The following NLRX1 variants were observed in gnomAD, a reference collection of about 807,000 sequenced individuals.
NLRX1 encodes the protein NOD-like receptor X1.
In NLRX1, 67 loss-of-function variants were observed where a neutral mutation model predicts 74.2. The ratio of observed to expected loss-of-function variants is 0.90; its 90% confidence interval spans 0.74 to 1.11. The LOEUF is 1.11. Among genes scored for constraint, NLRX1 ranks in the 50% least tolerant of loss-of-function variants. NLRX1 has a pLI of 0.00. For synonymous variants in NLRX1, 506 were observed against 559.1 expected (o/e 0.91, Z 1.34); for missense variants, 1,191 against 1,305.4 (o/e 0.91, Z 1.35).
intron 6 of NLRX1, among the ~76,000 whole-genome samples, chr11:119,178,488 A>C (rs1592332019): frequency 6.6e-6 from 1 of 152,190 alleles, no homozygotes; most frequent in East Asian, 1.9e-4. Flanking sequence ...TGAGCACAAA[A>C]ATATCAATGT....
Position 119,179,680 on chromosome 11 carries a change from G to C in NLRX1, c.1672-13G>C, listed in dbSNP as rs559548313. The C allele has an allele frequency of 2.5e-6, 4 of 1,585,492 alleles. No individual in the cohort carries two copies. In the African/African-American group the frequency reaches 4.0e-5, roughly 16 times the overall value. On this transcript the variant is annotated splice_polypyrimidine_tract_variant and intron_variant, in intron 6 of 9. Transcript: ENST00000409109. ...TGGAAGGCCACAGTGACTCTCCCCT[G>C]CTTCTTTTTCAGGTGGTTCCACGAG...
intron 1 of NLRX1, among the ~76,000 whole-genome samples, chr11:119,170,003 A>G (rs1159739457): frequency 4.8e-5 from 2 of 41,388 alleles, no homozygotes; most frequent in South Asian, 1.2e-3. Context: ...GTCTCAGGAA[A>G]AAAAAAAAAA....
chr11:119,181,614 A>T (rs1948839024), intron 8 of NLRX1, among the ~76,000 whole-genome samples: 1 of 152,166 alleles, frequency 6.6e-6, no homozygotes, highest in Admixed American at 6.5e-5. Context: ...GGCACTCAGT[A>T]GACACCCCTT....
At chr11:119,171,298 G>A in intron 1 of NLRX1, 58 bp from the exon 2 acceptor site, 1 of 1,246,598 alleles carries the variant, frequency 8.0e-7, no homozygotes, top group Non-Finnish European at 1.1e-6. Context: ...CTGGAATGGG[G>A]TTAGGGGTGC....
Position 119,173,672 on chromosome 11 carries a change from C to G in NLRX1, c.423C>G (p.Leu141=). 6.2e-7 allele frequency: 1 copy of G among 1,613,988 alleles called. No homozygotes were observed. Among genetic ancestry groups the G allele is most frequent in the Non-Finnish European group, 8.5e-7 (1 of 1,180,020 alleles). Residue 141 remains leucine (L), a synonymous_variant, in exon 5 of 10, where the codon CTC becomes CTG. Transcript: ENST00000409109. The surrounding 1 kb of genome is among the most constrained non-coding windows in gnomAD (Gnocchi z 4.0). ...ALEHQPPQAG[L]PPLALSQLFN... ...AGCATCAGCCACCCCAGGCCGGGCT[C>G]CCCCCACTGGCCTTGTCTCAGCTCT...
rs1565835919 is a variant in NLRX1, at chr11:119,182,340, GC to G, written c.2602del (p.Leu868TyrfsTer8). ...CCCGGGAGCACCCTTCCCTGGAACT[GC>G]TACAGTGAGTCCTGTCCCTGGTCCC... The part of the protein sequence containing the change: ...AAREHPSLEL[L>X]HLYFNELSSE... On this transcript the variant is annotated frameshift_variant, in exon 9 of 10. Coordinates refer to ENST00000409109, the MANE Select transcript of NLRX1 (RefSeq NM_001282144.2). LOFTEE classifies it high-confidence loss of function. 2.5e-6 allele frequency: 4 copies of G among 1,611,402 alleles called. No individual in the cohort carries two copies. Among genetic ancestry groups the G allele is most frequent in the Admixed American group, 1.7e-5 (1 of 59,972 alleles).
At chr11:119,182,581 G>A (rs1290781800) in intron 9 of NLRX1, among the ~76,000 whole-genome samples, 1 of 152,136 alleles carries the variant, frequency 6.6e-6, no homozygotes, top group Non-Finnish European at 1.5e-5. Context: ...TACTGTCTCT[G>A]GTCCCACTGA....
In NLRX1 at chr11:119,174,588, C is replaced by T; in HGVS notation, c.985C>T (p.Pro329Ser). 1 of 1,614,222 alleles carries T rather than the reference C, an allele frequency of 6.2e-7. No homozygotes were observed. The highest frequency in any genetic ancestry group is 1.1e-5 in the South Asian group (1 of 91,092). ...CTACTTCCAGCTCCGCCTCAACCAG[C>T]CGTACTGCGGGTATGCCGTTGGCGG... The part of the protein sequence containing the change: ...KLYFQLRLNQ[P>S]YCGYAVGGSG... The change falls in exon 6 of 10, where the codon CCG (proline) becomes TCG (serine). Residue 329 changes from proline (P) to serine (S), a missense_variant. Transcript: ENST00000409109.
chr11:119,176,125 G>A (rs976997756), intron 6 of NLRX1, among the ~76,000 whole-genome samples: 5 of 152,220 alleles, frequency 3.3e-5, no homozygotes, highest in Admixed American at 2.6e-4. Context: ...TGTCTGTCGA[G>A]CTGTGGGACC....
At chr11:119,177,532 G>A (rs1235186368) in intron 6 of NLRX1, among the ~76,000 whole-genome samples, 2 of 151,538 alleles carry the variant, frequency 1.3e-5, no homozygotes, top group African/African-American at 2.4e-5. Flanking sequence ...GGAGGCTGAG[G>A]CAGGAGAATC....
chr11:119,183,145 G>A lies in NLRX1; in HGVS notation c.2634G>A (p.Glu878=), dbSNP rs1223633143. 6.2e-7 allele frequency: 1 copy of A among 1,614,086 alleles called. No individual in the cohort carries two copies. The highest frequency in any genetic ancestry group is 1.7e-5 in the Admixed American group (1 of 60,010). ...LHLYFNELSS[E]GRQVLRDLGG... ...TCTACTTCAATGAGCTGAGCTCAGA[G>A]GGCCGCCAGGTCTTGCGAGACTTGG... The change falls in exon 10 of 10, where the codon GAG becomes GAA. Residue 878 remains glutamate (E), a synonymous_variant. Coordinates refer to ENST00000409109, the MANE Select transcript of NLRX1 (RefSeq NM_001282144.2). The surrounding 1 kb of genome is among the most constrained non-coding windows in gnomAD (Gnocchi z 5.7).
rs1383043040 is a variant in NLRX1 at position 119,172,441 on chromosome 11, C to G, written c.140+16C>G. ...GGCCCCCTAGGTGAGGCCTGGGTGT[C>G]ATACCTTAGGACTAGTCTGGGCACA... is the stretch of plus-strand genomic sequence containing the variant. On this transcript the variant is annotated intron_variant, in intron 3 of 9. Transcript: ENST00000409109. The G allele has an allele frequency of 6.3e-7, 1 of 1,591,252 alleles. No individual in the cohort carries two copies.
intron 1 of NLRX1, among the ~76,000 whole-genome samples, chr11:119,170,879 C>T (rs758533313): frequency 1.3e-5 from 2 of 152,180 alleles, no homozygotes; most frequent in Non-Finnish European, 2.9e-5. Context: ...TGTGATGGCT[C>T]ACACTTGTAA....
Position 119,174,860 on chromosome 11 carries a change from G to T in NLRX1, c.1257G>T (p.Leu419Phe). The T allele has an allele frequency of 6.2e-7, 1 of 1,614,064 alleles. No homozygotes were observed. The highest frequency in any genetic ancestry group is 8.5e-7 in the Non-Finnish European group (1 of 1,180,048). The change falls in exon 6 of 10, where the codon TTG (leucine) becomes TTT (phenylalanine). Residue 419 changes from leucine to phenylalanine, a missense_variant. Leu to Phe is a conservative substitution (Grantham distance 22). Transcript: ENST00000409109. ...TGGACAGCACTGACCCCTCCAATTT[G>T]TCCCTGATGGCCTATGCAGCCCGAA... Reference protein sequence around the residue: ...ETLDSTDPSNLSLMAYAARTM... With the variant: ...ETLDSTDPSNFSLMAYAARTM...
rs758220422 is a variant in NLRX1 at position 119,173,188 on chromosome 11, G to A, written c.229+199G>A. 6.7e-5 allele frequency: 41 copies of A among 615,944 alleles called. No homozygotes were observed. The Admixed American group carries it at 1.0e-3, about 15-fold the overall frequency. The allele number at this position is 615,944 out of a possible 1,614,324, so 38.2% of individuals were successfully genotyped here. On this transcript the variant is annotated intron_variant, in intron 4 of 9. Coordinates refer to ENST00000409109, the MANE Select transcript of NLRX1 (RefSeq NM_001282144.2). The surrounding 1 kb of genome is among the most constrained non-coding windows in gnomAD (Gnocchi z 4.0). ...CAATGCACACTTATATGTACAAAGC[G>A]CTAGGAGAGCCATACCATCCCTATG...
chr11:119,172,970 C>A lies in NLRX1; in HGVS notation c.210C>A (p.Phe70Leu), dbSNP rs528548245. The A allele has an allele frequency of 2.5e-6, 4 of 1,613,594 alleles. No individual in the cohort carries two copies. The African/African-American group carries it at 5.3e-5, about 22-fold the overall frequency. The change falls in exon 4 of 10, where the codon TTC becomes TTA. Residue 70 changes from phenylalanine to leucine, a missense_variant. Physicochemically the swap from Phe to Leu is conservative, Grantham distance 22. Coordinates refer to ENST00000409109, the MANE Select transcript of NLRX1 (RefSeq NM_001282144.2). ...APPPGRHGRL[F>L]PSASATEAIQ... ...CACCCGGGAGGCATGGACGGCTGTT[C>A]CCCAGCGCCTCTGCAACTGGTAAAG...
chr11:119,176,071 A>G (rs1036709379), intron 6 of NLRX1, among the ~76,000 whole-genome samples: 2 of 152,036 alleles, frequency 1.3e-5, no homozygotes, highest in African/African-American at 4.8e-5. Context: ...GTGATTCTGA[A>G]TCCTGTGCTC....
rs1432114718 is a variant in NLRX1, at chr11:119,181,236, A to G, written c.2333A>G (p.Gln778Arg). 6.2e-7 allele frequency: 1 copy of G among 1,613,584 alleles called. No individual in the cohort carries two copies. Among genetic ancestry groups the G allele is most frequent in the African/African-American group, 1.3e-5 (1 of 74,810 alleles). The change falls in exon 8 of 10, where the codon CAG becomes CGG. Residue 778 changes from glutamine to arginine, a missense_variant. Coordinates refer to ENST00000409109, the MANE Select transcript of NLRX1 (RefSeq NM_001282144.2). ...CTCCGAGACCTGTTGCTGCATGACCAGTGCCAAATTACCACACTGCGGTGA... is the reference window on the plus strand; with the variant it reads ...CTCCGAGACCTGTTGCTGCATGACCGGTGCCAAATTACCACACTGCGGTGA... Reference protein sequence around the residue: ...KDLRDLLLHDQCQITTLRLSN... With the variant: ...KDLRDLLLHDRCQITTLRLSN...
chr11:119,174,375 C>T (rs1361083553), intron 5 of NLRX1, 78 bp from the exon 6 acceptor site: 2 of 1,434,474 alleles, frequency 1.4e-6, no homozygotes, highest in East Asian at 2.3e-5. Context: ...GACACTCCGT[C>T]TTCAGGGGTC....
Sources: gnomAD v4.1 joint callset for allele counts (sites outside exome capture counted in the v4.1 genomes callset) on GRCh38, gnomAD v4.1.1 for gene constraint, Gnocchi (gnomAD v3.1) non-coding constraint, MANE v1.5 for transcripts, NCBI Gene and HGNC (gene_info 2026-07-23, HGNC 2026-07-21) for gene names.